ANKRD12: variants seen among roughly 807,000 people sequenced by gnomAD.
The protein encoded by ANKRD12 is ankyrin repeat domain-containing protein 12.
A neutral mutation model predicts 183.4 loss-of-function variants in ANKRD12; 85 were observed. The observed-to-expected ratio is 0.46, with a 90% CI of 0.39 to 0.56. The LOEUF (loss-of-function observed/expected upper bound fraction) is 0.56. Among genes scored for constraint, ANKRD12 ranks in the 20% least tolerant of loss-of-function variants. The probability of loss-of-function intolerance (pLI) is 0.00; values close to 1 mark genes in which losing one functional copy is unlikely to be tolerated. For missense variants in ANKRD12, 2,405 were observed against 2,357.1 expected, an observed-to-expected ratio of 1.02 and a Z score of -0.42; for synonymous variants, 914 against 800.2, an observed-to-expected ratio of 1.14 and a Z score of -2.40.
chr18:9,273,193 T>C (rs1013175075), intron 10 of ANKRD12, among the ~76,000 whole-genome samples: 1 of 152,122 alleles, frequency 6.6e-6, no homozygotes, highest in Non-Finnish European at 1.5e-5. Flanking sequence ...GTAGCAAATA[T>C]TAGGATGGGT....
intron 5 of ANKRD12, among the ~76,000 whole-genome samples, chr18:9,210,739 A>AAAAAAAAAAAAAAG (rs2035754620): frequency 6.7e-6 from 1 of 149,886 alleles, no homozygotes; most frequent in Non-Finnish European, 1.5e-5. Flanking sequence ...AAAAAAAAAA[A>AAAAAAAAAAAAAAG]TCCAAAAGAT....
At chr18:9,175,418 C>CTGATTCTCCCTCCTTTTGT (rs1162936319) in intron 1 of ANKRD12, among the ~76,000 whole-genome samples, 3 of 151,520 alleles carry the variant, frequency 2.0e-5, no homozygotes, top group Admixed American at 1.3e-4. Flanking sequence ...GATTTTCTCC[C>CTGATTCTCCCTCCTTTTGT]TGATTCTCCC....
At chr18:9,190,803 A>G (rs1370759616) in intron 2 of ANKRD12, among the ~76,000 whole-genome samples, 1 of 152,198 alleles carries the variant, frequency 6.6e-6, no homozygotes, top group Non-Finnish European at 1.5e-5. Flanking sequence ...TTTAGACATG[A>G]TAGTATTGCA....
intron 10 of ANKRD12, among the ~76,000 whole-genome samples, chr18:9,274,732 T>C (rs893362039): frequency 2.6e-5 from 4 of 152,192 alleles, no homozygotes; most frequent in African/African-American, 9.7e-5. Context: ...GAAAATGTAT[T>C]TCTACTTTTG....
At chr18:9,146,372 T>G (rs963182201) in intron 1 of ANKRD12, among the ~76,000 whole-genome samples, 1 of 152,002 alleles carries the variant, frequency 6.6e-6, no homozygotes, top group Admixed American at 6.6e-5. Context: ...TGGGCCAAAA[T>G]AGTGAGACTC....
chr18:9,269,764 A>G (rs2039495268), intron 10 of ANKRD12, among the ~76,000 whole-genome samples: 1 of 152,240 alleles, frequency 6.6e-6, no homozygotes, highest in Admixed American at 6.5e-5. Flanking sequence ...GTCAAAATTG[A>G]CAGATGGGAT....
At chr18:9,187,125 C>T (rs1392641557) in intron 2 of ANKRD12, among the ~76,000 whole-genome samples, 1 of 152,000 alleles carries the variant, frequency 6.6e-6, no homozygotes, top group African/African-American at 2.4e-5. Flanking sequence ...TGTTTTTCCC[C>T]ATAACATTTT....
chr18:9,194,189 G>A (rs1302035763), intron 2 of ANKRD12, among the ~76,000 whole-genome samples: 1 of 152,048 alleles, frequency 6.6e-6, no homozygotes, highest in African/African-American at 2.4e-5. Context: ...TATTAAAACA[G>A]ATCATTAAGC....
rs1289861844 is a variant in ANKRD12 at position 9,284,088 on chromosome 18, A to G, written c.*2962A>G. ...TAGCATTATGTCTAAAAATATGTAC[A>G]TAAGTTTAAAAATATTTTATTGCTA... On this transcript the variant is annotated 3_prime_UTR_variant, in exon 13 of 13. Coordinates refer to ENST00000262126, the MANE Select transcript of ANKRD12 (RefSeq NM_015208.5). 1 of 152,224 alleles carries G rather than the reference A, an allele frequency of 6.6e-6. No individual in the cohort carries two copies. Among genetic ancestry groups the G allele is most frequent in the African/African-American group, 2.4e-5 (1 of 41,454 alleles). 9.4% of individuals were successfully genotyped at this position (152,224 alleles called of 1,614,324 possible). A position where few individuals can be genotyped will look rare whatever the true frequency, so the allele number is the denominator to read the frequency against.
At chr18:9,140,188 A>G (rs1406298105) in intron 1 of ANKRD12, among the ~76,000 whole-genome samples, 2 of 152,254 alleles carry the variant, frequency 1.3e-5, no homozygotes, top group African/African-American at 4.8e-5. Flanking sequence ...CATGTGGAAC[A>G]AATGAGAATG....
chr18:9,188,173 G>A (rs1046335433), intron 2 of ANKRD12, among the ~76,000 whole-genome samples: 1 of 152,198 alleles, frequency 6.6e-6, no homozygotes, highest in African/African-American at 2.4e-5. Flanking sequence ...CATTGTTTGT[G>A]CCTGTTCCCT....
chr18:9,200,719 C>CA (rs1195343421), intron 3 of ANKRD12: 1 of 152,182 alleles, frequency 6.6e-6, no homozygotes, highest in Admixed American at 6.5e-5. Flanking sequence ...CTTCAAGTGA[C>CA]ATAGCATGTA....
rs769190051 is a variant in ANKRD12 at position 9,257,474 on chromosome 18, G to A, written c.4207G>A (p.Val1403Met). 2 of 1,614,068 alleles carry A rather than the reference G, an allele frequency of 1.2e-6. No individual in the cohort carries two copies. The highest frequency in any genetic ancestry group is 1.7e-4 in the Middle Eastern group (1 of 6,058). ...APVNTVMDSP[V>M]HLEPSSQVGV... ...AGTGAACACTGTAATGGACAGTCCA[G>A]TGCATTTAGAGCCATCTAGTCAGGT... The change falls in exon 9 of 13, where the codon GTG (valine) becomes ATG (methionine). Residue 1403 changes from valine to methionine, a missense_variant. Physicochemically the swap from Val to Met is conservative, Grantham distance 21. Coordinates refer to ENST00000262126, the MANE Select transcript of ANKRD12 (RefSeq NM_015208.5).
Position 9,257,802 on chromosome 18 carries a change from C to A in ANKRD12, c.4535C>A (p.Ser1512Ter). ...AESISKHMSLSYVANQEPGIL... is the reference protein window; with the variant it reads ...AESISKHMSL ...TCGATTTCTAAACATATGTCTTTGTCATATGTTGCTAATCAAGAGCCAGGT... is the reference window on the plus strand; with the variant it reads ...TCGATTTCTAAACATATGTCTTTGTAATATGTTGCTAATCAAGAGCCAGGT... The change falls in exon 9 of 13, where the codon TCA (serine) becomes TAA (stop). Residue 1512 changes from serine to a stop codon, truncating the protein, a stop_gained. Transcript: ENST00000262126. LOFTEE classifies it high-confidence loss of function. 1 of 1,613,842 alleles carries A rather than the reference C, an allele frequency of 6.2e-7. No homozygotes were observed. The highest frequency in any genetic ancestry group is 1.1e-5 in the South Asian group (1 of 91,050).
In ANKRD12 at chr18:9,219,655, G is replaced by T. The variant is rs2036304524; in HGVS notation, c.796-2197G>T. Among the ~76,000 whole-genome samples, 3 of 151,424 alleles carry T rather than the reference G, an allele frequency of 2.0e-5. No homozygotes were observed. In the South Asian group the frequency reaches 6.2e-4, roughly 32 times the overall value. Reference sequence around the variant, plus strand: ...AAAATATAAAAACTATTCTTAGCTGGCAGACCAGGTTGGCCCGTAGGTCAT... The same window carrying T: ...AAAATATAAAAACTATTCTTAGCTGTCAGACCAGGTTGGCCCGTAGGTCAT... On this transcript the variant is annotated intron_variant, in intron 7 of 12. Transcript: ENST00000262126.
intron 1 of ANKRD12, among the ~76,000 whole-genome samples, chr18:9,142,059 G>C (rs1237475901): frequency 6.6e-6 from 1 of 152,018 alleles, no homozygotes; most frequent in Admixed American, 6.6e-5. Flanking sequence ...ACCTTACCTT[G>C]CTATATAGTC....
rs891110599 is a variant in ANKRD12 at position 9,282,187 on chromosome 18, T to A, written c.*1061T>A. The A allele has an allele frequency of 6.6e-6, 1 of 152,628 alleles. No individual in the cohort carries two copies. The highest frequency in any genetic ancestry group is 6.5e-5 in the Admixed American group (1 of 15,282). The allele number at this position is 152,628 out of a possible 1,614,324, so 9.5% of individuals were successfully genotyped here. A position where few individuals can be genotyped will look rare whatever the true frequency, so the allele number is the denominator to read the frequency against. ...TACGTTTAATAAATTTTATTGGTCA[T>A]GTTAAATCATTGTAAAACTTTTTTA... is the stretch of plus-strand genomic sequence containing the variant. On this transcript the variant is annotated 3_prime_UTR_variant, in exon 13 of 13. Transcript: ENST00000262126.
chr18:9,216,843 A>G lies in ANKRD12; in HGVS notation c.738A>G (p.Thr246=), dbSNP rs755335130. The part of the protein sequence containing the change: ...ILIAAGADVN[T]QGLDDDTPLH... The stretch of plus-strand genomic sequence containing the variant: ...TAGCAGCTGGAGCAGATGTTAACAC[A>G]CAAGGATTAGATGATGACACTCCAC... The change falls in exon 7 of 13, where the codon ACA becomes ACG. Residue 246 remains threonine (T), a synonymous_variant. Coordinates refer to ENST00000262126, the MANE Select transcript of ANKRD12 (RefSeq NM_015208.5). 1.9e-6 allele frequency: 3 copies of G among 1,613,654 alleles called. No individual in the cohort carries two copies. Among genetic ancestry groups the G allele is most frequent in the Non-Finnish European group, 2.5e-6 (3 of 1,179,682 alleles).
At chr18:9,244,285 T>C (rs1175275285) in intron 8 of ANKRD12, among the ~76,000 whole-genome samples, 1 of 152,214 alleles carries the variant, frequency 6.6e-6, no homozygotes, top group African/African-American at 2.4e-5. Flanking sequence ...TTCTATTCTT[T>C]TTCTGGAAAA....
Sources: allele counts gnomAD v4.1 joint callset (sites outside exome capture counted in the v4.1 genomes callset), GRCh38; gene constraint gnomAD v4.1.1; transcripts MANE v1.5; gene names NCBI Gene and HGNC (gene_info 2026-07-23, HGNC 2026-07-21).